PDE3B: variants seen among roughly 807,000 people sequenced by gnomAD.
PDE3B encodes cGMP-inhibited 3',5'-cyclic phosphodiesterase 3B.
A neutral mutation model predicts 116.8 loss-of-function variants in PDE3B; 66 were observed. That is an observed-to-expected ratio of 0.56 (90% CI 0.46 to 0.69). PDE3B has a LOEUF of 0.69. Ranked by LOEUF, PDE3B falls within the 30% of genes least tolerant of loss-of-function variation. PDE3B has a pLI of 0.00. For synonymous variants in PDE3B, 595 were observed against 533.6 expected (o/e 1.12, Z -1.59); for missense variants, 1,384 against 1,368.1 (o/e 1.01, Z -0.18).
chr11:14,888,045 C>G, the PDE3B span, among the ~76,000 whole-genome samples: 2 of 152,148 alleles, frequency 1.3e-5, no homozygotes, highest in Admixed American at 1.3e-4. Context: ...TTTGATATTC[C>G]TATAGCTTGC....
At chr11:14,722,896 T>G (rs1456916873) in intron 1 of PDE3B, among the ~76,000 whole-genome samples, 1 of 152,176 alleles carries the variant, frequency 6.6e-6, no homozygotes, top group Non-Finnish European at 1.5e-5. Flanking sequence ...TGGAGGTGCT[T>G]GGTGTTAAAT....
chr11:14,751,132 G>GA (rs1857046873), intron 1 of PDE3B, among the ~76,000 whole-genome samples: 1 of 152,104 alleles, frequency 6.6e-6, no homozygotes, highest in Non-Finnish European at 1.5e-5. Flanking sequence ...TGCACCTGGT[G>GA]ATTATGCAAG....
intron 1 of PDE3B, among the ~76,000 whole-genome samples, chr11:14,736,899 C>G (rs957011468): frequency 5.3e-5 from 8 of 152,018 alleles, no homozygotes; most frequent in Admixed American, 1.3e-4. Flanking sequence ...TTCTGAACAC[C>G]CAAGAGAGGT....
At chr11:14,883,586 A>C in the PDE3B span, among the ~76,000 whole-genome samples, 1 of 152,060 alleles carries the variant, frequency 6.6e-6, no homozygotes, top group African/African-American at 2.4e-5. Flanking sequence ...AAACCCTAGA[A>C]GAAAACCTAG....
intron 1 of PDE3B, among the ~76,000 whole-genome samples, chr11:14,663,549 G>A (rs997032677): frequency 6.6e-6 from 1 of 151,670 alleles, no homozygotes; most frequent in Non-Finnish European, 1.5e-5. Flanking sequence ...GACACACATA[G>A]GCTCAAAATA....
chr11:14,847,632 G>T (rs971789537), intron 12 of PDE3B, among the ~76,000 whole-genome samples: 2 of 151,950 alleles, frequency 1.3e-5, no homozygotes, highest in Non-Finnish European at 2.9e-5. Context: ...TCAAATAGAC[G>T]CAATAAAAAA....
chr11:14,658,079 C>T (rs985648693), intron 1 of PDE3B, among the ~76,000 whole-genome samples: 5 of 152,070 alleles, frequency 3.3e-5, no homozygotes, highest in Non-Finnish European at 7.3e-5. Context: ...ACTTCTGCTT[C>T]CATCTAGTGG....
chr11:14,880,603 T>A, the PDE3B span: 1 of 1,612,762 alleles, frequency 6.2e-7, no homozygotes, highest in Non-Finnish European at 8.5e-7. Context: ...CTGTTTAAAG[T>A]CAAAAGGTCT....
chr11:14,892,098 C>T, the PDE3B span: 1 of 1,611,622 alleles, frequency 6.2e-7, no homozygotes, highest in Non-Finnish European at 8.5e-7. Context: ...GGAAGCCCAT[C>T]GGCCGCCTCT....
intron 3 of PDE3B, 94 bp downstream of exon 3, chr11:14,786,779 C>T (rs1157137353): frequency 5.9e-6 from 6 of 1,019,354 alleles, no homozygotes; most frequent in East Asian, 5.0e-5. Context: ...ATACAATTTT[C>T]GTTTCAAGGA....
intron 1 of PDE3B, among the ~76,000 whole-genome samples, chr11:14,722,867 T>G (rs1352984070): frequency 6.6e-6 from 1 of 152,218 alleles, no homozygotes; most frequent in African/African-American, 2.4e-5. Context: ...CTAACTATGT[T>G]ATGATATTTT....
chr11:14,807,163 G>A (rs922805456), intron 5 of PDE3B, among the ~76,000 whole-genome samples: 1 of 152,078 alleles, frequency 6.6e-6, no homozygotes, highest in Non-Finnish European at 1.5e-5. Flanking sequence ...TGTATATGAC[G>A]AGTTGATGCA....
At chr11:14,855,530 G>A (rs1847833137) in intron 12 of PDE3B, among the ~76,000 whole-genome samples, 1 of 152,098 alleles carries the variant, frequency 6.6e-6, no homozygotes, top group South Asian at 2.1e-4. Context: ...CATATTGTGG[G>A]ATAGGCACTA....
intron 14 of PDE3B, among the ~76,000 whole-genome samples, chr11:14,863,505 G>T (rs1231282128): frequency 5.3e-5 from 8 of 152,080 alleles, no homozygotes; most frequent in Non-Finnish European, 1.0e-4. Context: ...ATAATCATTG[G>T]ATTCCCCAGG....
chr11:14,849,179 G>A (rs543225948), intron 12 of PDE3B, among the ~76,000 whole-genome samples: 3,099 of 152,170 alleles, frequency 0.02, 82 homozygotes, highest in African/African-American at 0.071. Context: ...CAGAAATAAC[G>A]CTGCATATCT....
At chr11:14,654,024 C>A (rs374645009) in intron 1 of PDE3B, among the ~76,000 whole-genome samples, 7 of 151,898 alleles carry the variant, frequency 4.6e-5, no homozygotes, top group African/African-American at 1.7e-4. Context: ...AACCCCAAAA[C>A]ACACACACAC....
At chr11:14,889,666 GA>G in the PDE3B span, among the ~76,000 whole-genome samples, 1 of 152,284 alleles carries the variant, frequency 6.6e-6, no homozygotes, top group Admixed American at 6.5e-5. Context: ...AGGGGACTTA[GA>G]AAACCCCCTG....
intron 1 of PDE3B, among the ~76,000 whole-genome samples, chr11:14,702,118 G>T (rs1855382052): frequency 6.6e-6 from 1 of 150,806 alleles, no homozygotes; most frequent in East Asian, 1.9e-4. Flanking sequence ...TATCTCTTAG[G>T]CTTTTTGTCT....
At chr11:14,803,582 A>G (rs1032658695) in intron 4 of PDE3B, among the ~76,000 whole-genome samples, 7 of 152,066 alleles carry the variant, frequency 4.6e-5, no homozygotes, top group South Asian at 2.1e-4. Flanking sequence ...GTGATAACCT[A>G]TTTCACCCCA....
Sources: gnomAD v4.1 joint callset for allele counts (sites outside exome capture counted in the v4.1 genomes callset) on GRCh38, gnomAD v4.1.1 for gene constraint, MANE v1.5 for transcripts, NCBI Gene and HGNC (gene_info 2026-07-23, HGNC 2026-07-21) for gene names.